The following GALR2 variants were observed in gnomAD, a reference collection of about 807,000 sequenced individuals.
The protein encoded by GALR2 is galanin receptor type 2.
In GALR2, 5 loss-of-function variants were observed where a neutral mutation model predicts 7.2. That is an observed-to-expected ratio of 0.69 (90% CI 0.36 to 1.45). The LOEUF is 1.45. Ranked by LOEUF, GALR2 falls within the 40% of genes most tolerant of loss-of-function variation. The pLI, the probability that GALR2 is intolerant of heterozygous loss-of-function variation, is 0.03. For synonymous variants in GALR2, 300 were observed against 263.9 expected (o/e 1.14, Z -1.32); for missense variants, 561 against 555.7 (o/e 1.01, Z -0.10).
At position 76,075,168 on chromosome 17, in the gene GALR2, G is replaced by C; in HGVS notation, c.285G>C (p.Ser95=). ...CCCTGGACGGCTGGGTGTTCGGCTC[G>C]CTGCTGTGCAAGGCGGTGCACTTCC... is the stretch of plus-strand genomic sequence containing the variant. ...IYTLDGWVFG[S]LLCKAVHFLI... Residue 95 remains serine, a synonymous_variant, in exon 1 of 2, where the codon TCG becomes TCC. Coordinates refer to ENST00000329003, the MANE Select transcript of GALR2 (RefSeq NM_003857.4). This position sits in a 1 kb window ranked among gnomAD's most constrained non-coding sequence, Gnocchi z 5.9. The C allele has an allele frequency of 1.2e-6, 2 of 1,612,130 alleles. No homozygotes were observed. Among genetic ancestry groups the C allele is most frequent in the Non-Finnish European group, 8.5e-7 (1 of 1,179,970 alleles).
chr17:76,077,508 T>C lies in GALR2; in HGVS notation c.*77T>C. ...GGACCGTGGGGAGAGCTTTGCCTGTTAATAAAACGCACAAACCATTTCACA... is the reference window on the plus strand; with the variant it reads ...GGACCGTGGGGAGAGCTTTGCCTGTCAATAAAACGCACAAACCATTTCACA... On this transcript the variant is annotated 3_prime_UTR_variant, in exon 2 of 2. Transcript: ENST00000329003. 1 of 1,251,438 alleles carries C rather than the reference T, an allele frequency of 8.0e-7. No individual in the cohort carries two copies. The highest frequency in any genetic ancestry group is 1.1e-6 in the Non-Finnish European group (1 of 931,656). The allele number at this position is 1,251,438 out of a possible 1,614,324, so 77.5% of individuals were successfully genotyped here.
At position 76,077,397 on chromosome 17, in the gene GALR2, C is replaced by T; in HGVS notation, c.1130C>T (p.Ala377Val). ...CPGPSWQGPK[A>V]GDSILTVDVA ...GGCCCGTCCTGGCAGGGCCCAAAGG[C>T]AGGCGACAGCATCCTGACGGTTGAT... The change falls in exon 2 of 2, where the codon GCA becomes GTA. Residue 377 changes from alanine (A) to valine (V), a missense_variant. By Grantham distance (64) the Ala-to-Val change is moderately conservative. Transcript: ENST00000329003. The T allele has an allele frequency of 6.8e-7, 1 of 1,465,328 alleles. No homozygotes were observed. Among genetic ancestry groups the T allele is most frequent in the Non-Finnish European group, 9.0e-7 (1 of 1,115,122 alleles). The allele number at this position is 1,465,328 out of a possible 1,614,324, so 90.8% of individuals were successfully genotyped here. A position where few individuals can be genotyped will look rare whatever the true frequency, so the allele number is the denominator to read the frequency against.
Position 76,075,097 on chromosome 17 carries a change from C to A in GALR2, c.214C>A (p.Leu72Met), listed in dbSNP as rs780149236. Residue 72 changes from leucine (L) to methionine (M), a missense_variant, in exon 1 of 2, where the codon CTG becomes ATG. Transcript: ENST00000329003. This position sits in a 1 kb window ranked among gnomAD's most constrained non-coding sequence, Gnocchi z 5.9. ...LFILNLGVAD[L>M]CFILCCVPFQ... ...CATCCTTAACCTGGGCGTGGCCGAC[C>A]TGTGTTTCATCCTGTGCTGCGTGCC... 4.3e-6 allele frequency: 7 copies of A among 1,612,174 alleles called. No individual in the cohort carries two copies. In the African/African-American group the frequency reaches 8.0e-5, roughly 18 times the overall value.
rs1276921081 is a variant in GALR2 at position 76,075,791 on chromosome 17, C to T, written c.368+540C>T. Among the ~76,000 whole-genome samples the T allele has an allele frequency of 6.6e-6, 1 of 152,150 alleles. No individual in the cohort carries two copies. Among genetic ancestry groups the T allele is most frequent in the Admixed American group, 6.5e-5 (1 of 15,274 alleles). Reference sequence around the variant, plus strand: ...TTGGGTCCTTTGCAAGGATCCACTCCGGAGTCCCAGCGAGCGTGCCTAAAG... The same window carrying T: ...TTGGGTCCTTTGCAAGGATCCACTCTGGAGTCCCAGCGAGCGTGCCTAAAG... On this transcript the variant is annotated intron_variant, in intron 1 of 1. Transcript: ENST00000329003. The surrounding 1 kb of genome is among the most constrained non-coding windows in gnomAD (Gnocchi z 5.9).
At chr17:76,072,147 G>GTC, upstream of GALR2, 2 of 1,285,706 alleles carry the variant, frequency 1.6e-6, no homozygotes, top group Non-Finnish European at 2.1e-6. This position sits in a 1 kb window ranked among gnomAD's most constrained non-coding sequence, Gnocchi z 4.5. Context: ...TCGAGAGACA[G>GTC]ACCCCCCCCG....
chr17:76,074,415 C>G (rs112292731), upstream of GALR2, among the ~76,000 whole-genome samples: 168 of 152,338 alleles, frequency 1.1e-3, 2 homozygotes, highest in African/African-American at 4.0e-3. The surrounding 1 kb of genome is among the most constrained non-coding windows in gnomAD (Gnocchi z 6.7). Flanking sequence ...TATCCTGCAC[C>G]CCTGCCAGGC....
At chr17:76,072,135 A>C, upstream of GALR2, 4 of 1,224,666 alleles carry the variant, frequency 3.3e-6, no homozygotes, top group South Asian at 1.4e-5. This position sits in a 1 kb window ranked among gnomAD's most constrained non-coding sequence, Gnocchi z 4.5. Flanking sequence ...AGGAAAGACT[A>C]GTCGAGAGAC....
upstream of GALR2, chr17:76,072,555 C>A: frequency 6.6e-7 from 1 of 1,525,382 alleles, no homozygotes; most frequent in East Asian, 2.4e-5. This position sits in a 1 kb window ranked among gnomAD's most constrained non-coding sequence, Gnocchi z 4.5. Context: ...CGGGTGAGAG[C>A]TGGACCTGCC....
At chr17:76,074,752 G>A (rs564080309), upstream of GALR2, 1 of 1,019,610 alleles carries the variant, frequency 9.8e-7, no homozygotes, top group South Asian at 1.7e-5. The surrounding 1 kb of genome is among the most constrained non-coding windows in gnomAD (Gnocchi z 6.7). Context: ...CCCCAGATGA[G>A]GCAAGGCTCC....
rs756868625 is a variant in GALR2 at position 76,074,974 on chromosome 17, C to T, written c.91C>T (p.Leu31Phe). The change falls in exon 1 of 2, where the codon CTC (leucine) becomes TTC (phenylalanine). Residue 31 changes from leucine (L) to phenylalanine (F), a missense_variant. Leu to Phe is a conservative substitution (Grantham distance 22, BLOSUM62 0). Transcript: ENST00000329003. The surrounding 1 kb of genome is among the most constrained non-coding windows in gnomAD (Gnocchi z 6.7). The part of the protein sequence containing the change: ...WHPEAVIVPL[L>F]FALIFLVGTV... ...CCCCGAGGCGGTCATCGTGCCCCTG[C>T]TCTTCGCGCTCATCTTCCTCGTGGG... 1.2e-6 allele frequency: 2 copies of T among 1,600,106 alleles called. No homozygotes were observed. Among genetic ancestry groups the T allele is most frequent in the Non-Finnish European group, 1.7e-6 (2 of 1,178,340 alleles).
rs374970890 is a variant in GALR2, at chr17:76,077,335, C to T, written c.1068C>T (p.Pro356=). The change falls in exon 2 of 2, where the codon CCC becomes CCT. Residue 356 remains proline, a synonymous_variant. Coordinates refer to ENST00000329003, the MANE Select transcript of GALR2 (RefSeq NM_003857.4). ...CGGCGGGGGCCCTTCGTCCCTGCCC[C>T]GGCGCTTCCCAGCCATGCATCCTCG... ...SEAAGALRPC[P]GASQPCILEP... The T allele has an allele frequency of 2.3e-4, 359 of 1,560,202 alleles. No individual in the cohort carries two copies. In the African/African-American group the frequency reaches 4.4e-3, roughly 19 times the overall value.
At chr17:76,074,620 C>T (rs1195209858), upstream of GALR2, among the ~76,000 whole-genome samples, 1 of 152,230 alleles carries the variant, frequency 6.6e-6, no homozygotes, top group Non-Finnish European at 1.5e-5. The surrounding 1 kb of genome is among the most constrained non-coding windows in gnomAD (Gnocchi z 6.7). Context: ...CCGCCTGCGC[C>T]GTGGAATGCG....
In GALR2 at chr17:76,077,137, C is replaced by T; in HGVS notation, c.870C>T (p.Ile290=). Residue 290 remains isoleucine (I), a synonymous_variant, in exon 2 of 2, where the codon ATC becomes ATT. Coordinates refer to ENST00000329003, the MANE Select transcript of GALR2 (RefSeq NM_003857.4). ...ACGCCAACTCCTGCGTCAACCCCAT[C>T]GTTTACGCGCTGGTCTCCAAGCACT... ...VSYANSCVNP[I]VYALVSKHFR... 1 of 1,612,862 alleles carries T rather than the reference C, an allele frequency of 6.2e-7. No individual in the cohort carries two copies. The highest frequency in any genetic ancestry group is 8.5e-7 in the Non-Finnish European group (1 of 1,179,842).
chr17:76,074,927 C>T lies in GALR2; in HGVS notation c.44C>T (p.Ala15Val), dbSNP rs535501064. The T allele has an allele frequency of 5.8e-6, 9 of 1,552,340 alleles. No homozygotes were observed. Among genetic ancestry groups the T allele is most frequent in the Non-Finnish European group, 4.3e-6 (5 of 1,156,224 alleles). ...CCAGGGGCCGGGAACGCGAGCCAGG[C>T]GGGCGGCGGGGGAGGCTGGCACCCC... ...GCPGAGNASQAGGGGGWHPEA... is the reference protein window; with the variant it reads ...GCPGAGNASQVGGGGGWHPEA... The change falls in exon 1 of 2, where the codon GCG becomes GTG. Residue 15 changes from alanine to valine, a missense_variant. Physicochemically the swap from Ala to Val is moderately conservative, Grantham distance 64. Coordinates refer to ENST00000329003, the MANE Select transcript of GALR2 (RefSeq NM_003857.4). The surrounding 1 kb of genome is among the most constrained non-coding windows in gnomAD (Gnocchi z 6.7).
upstream of GALR2, chr17:76,072,026 C>A (rs1206647992): frequency 3.6e-6 from 2 of 551,884 alleles, no homozygotes; most frequent in Non-Finnish European, 6.2e-6. This position sits in a 1 kb window ranked among gnomAD's most constrained non-coding sequence, Gnocchi z 4.5. Context: ...TGGTCACAAG[C>A]CCTCCAACTG....
upstream of GALR2, chr17:76,072,163 C>T: frequency 7.0e-7 from 1 of 1,418,560 alleles, no homozygotes; most frequent in Non-Finnish European, 9.5e-7. This position sits in a 1 kb window ranked among gnomAD's most constrained non-coding sequence, Gnocchi z 4.5. Context: ...CCCCGGAATT[C>T]TGAGCACCAA....
At chr17:76,072,458 C>T (rs200964219), upstream of GALR2, 1 of 1,583,286 alleles carries the variant, frequency 6.3e-7, no homozygotes, top group Non-Finnish European at 8.5e-7. The surrounding 1 kb of genome is among the most constrained non-coding windows in gnomAD (Gnocchi z 4.5). Context: ...CCGCCGCCGC[C>T]GCCGCCGCCT....
chr17:76,075,270 C>T lies in GALR2; in HGVS notation c.368+19C>T, dbSNP rs759023292. ...TGGACAGGTGAGCCAGCGCCTTGGC[C>T]TCCCTGGGAGATGGGCATCCACGCG... On this transcript the variant is annotated intron_variant, in intron 1 of 1. Coordinates refer to ENST00000329003, the MANE Select transcript of GALR2 (RefSeq NM_003857.4). This position sits in a 1 kb window ranked among gnomAD's most constrained non-coding sequence, Gnocchi z 5.9. 5 of 1,586,128 alleles carry T rather than the reference C, an allele frequency of 3.2e-6. No homozygotes were observed. Among genetic ancestry groups the T allele is most frequent in the Non-Finnish European group, 4.3e-6 (5 of 1,171,114 alleles).
At chr17:76,072,140 A>C, upstream of GALR2, 3 of 1,315,036 alleles carry the variant, frequency 2.3e-6, no homozygotes, top group Non-Finnish European at 3.1e-6. This position sits in a 1 kb window ranked among gnomAD's most constrained non-coding sequence, Gnocchi z 4.5. Context: ...AGACTAGTCG[A>C]GAGACAGACC....
Sources: gnomAD v4.1 joint callset for allele counts (sites outside exome capture counted in the v4.1 genomes callset) on GRCh38, gnomAD v4.1.1 for gene constraint, Gnocchi (gnomAD v3.1) non-coding constraint, MANE v1.5 for transcripts, NCBI Gene and HGNC (gene_info 2026-07-23, HGNC 2026-07-21) for gene names.